Variants in GFM2 observed in about 807,000 individuals in gnomAD.
GFM2 encodes the protein ribosome-releasing factor 2, mitochondrial.
Under a neutral mutation model 95.4 loss-of-function variants are expected in GFM2, and 72 were observed. The observed-to-expected ratio is 0.76, with a 90% CI of 0.62 to 0.92. The LOEUF is 0.92. Ranked by LOEUF, GFM2 falls within the 40% of genes least tolerant of loss-of-function variation. The pLI, the probability that GFM2 is intolerant of heterozygous loss-of-function variation, is 0.00. For missense variants in GFM2, 825 were observed against 924.1 expected (o/e 0.89, Z 1.39); for synonymous variants, 276 against 317.5 (o/e 0.87, Z 1.39).
At chr5:74,765,167 T>C (rs546715012) in intron 1 of GFM2, 1 of 1,081,084 alleles carries the variant, frequency 9.2e-7, no homozygotes. Flanking sequence ...AATAGACATT[T>C]TCCTCTTCTT....
intron 1 of GFM2, among the ~76,000 whole-genome samples, chr5:74,766,418 T>C (rs1336410027): frequency 6.6e-6 from 1 of 152,240 alleles, no homozygotes; most frequent in Non-Finnish European, 1.5e-5. Flanking sequence ...TGAATCACGC[T>C]GCAAGCTGTG....
intron 5 of GFM2, among the ~76,000 whole-genome samples, chr5:74,756,521 T>C (rs1234573454): frequency 1.2e-4 from 18 of 152,190 alleles, no homozygotes; most frequent in Non-Finnish European, 7.3e-5. Context: ...CGTATAATTA[T>C]TTCTTTTCCT....
intron 12 of GFM2, among the ~76,000 whole-genome samples, chr5:74,739,108 A>C (rs1742986682): frequency 6.6e-6 from 1 of 152,162 alleles, no homozygotes; most frequent in Non-Finnish European, 1.5e-5. Flanking sequence ...TAAACTGGTA[A>C]TCACTGGTAA....
intron 19 of GFM2, among the ~76,000 whole-genome samples, chr5:74,723,889 G>C (rs1461241991): frequency 1.6e-4 from 25 of 151,914 alleles, no homozygotes; most frequent in Admixed American, 1.6e-3. Context: ...TAATACTTTG[G>C]CTATATTTAA....
intron 7 of GFM2, among the ~76,000 whole-genome samples, chr5:74,748,914 A>AAAAT (rs1561253774): frequency 0.13 from 14,836 of 111,182 alleles, 916 homozygotes; most frequent in Admixed American, 0.21. Flanking sequence ...TAAAATAAAA[A>AAAAT]AATAAAAAAA....
chr5:74,738,212 A>G (rs1427014239), intron 14 of GFM2, 106 bp downstream of exon 14: 1 of 787,846 alleles, frequency 1.3e-6, no homozygotes, highest in Non-Finnish European at 2.1e-6. Flanking sequence ...TTATTCTACT[A>G]TTGATGGACA....
At chr5:74,762,973 T>C (rs895714788) in intron 2 of GFM2, among the ~76,000 whole-genome samples, 12 of 152,340 alleles carry the variant, frequency 7.9e-5, no homozygotes, top group Non-Finnish European at 1.5e-4. Context: ...GAAACTATTG[T>C]ACTCCCTGTT....
In GFM2 at chr5:74,736,869, TAA is replaced by T. The variant is rs761621480; in HGVS notation, c.1435_1436del (p.Leu479IlefsTer22). The T allele has an allele frequency of 1.2e-6, 2 of 1,613,942 alleles. No individual in the cohort carries two copies. On this transcript the variant is annotated frameshift_variant, in exon 15 of 21. Transcript: ENST00000296805. LOFTEE classifies it high-confidence loss of function. ...GTTCTGGAATCTCCACTCCAGCCAA[TAA>T]AAGTCTCTCTGCTTCATTGTTTTGT... ...HRQNNEAERL[L>X]LAGVEIPEPV...
At chr5:74,756,354 A>C (rs940285028) in intron 5 of GFM2, among the ~76,000 whole-genome samples, 1 of 152,202 alleles carries the variant, frequency 6.6e-6, no homozygotes, top group African/African-American at 2.4e-5. Flanking sequence ...TTACTCCTGC[A>C]AGAATGGCCA....
intron 16 of GFM2, among the ~76,000 whole-genome samples, chr5:74,731,858 G>A (rs1159470995): frequency 2.6e-5 from 4 of 151,806 alleles, no homozygotes; most frequent in African/African-American, 7.3e-5. Flanking sequence ...GAATGAGATG[G>A]AGGAACAGAG....
At chr5:74,748,446 T>C (rs1363597643) in intron 7 of GFM2, among the ~76,000 whole-genome samples, 3 of 152,358 alleles carry the variant, frequency 2.0e-5, no homozygotes, top group Non-Finnish European at 2.9e-5. Flanking sequence ...TCTGTCACCA[T>C]AGCTTCAGTG....
chr5:74,756,376 T>C (rs1369827643), intron 5 of GFM2, among the ~76,000 whole-genome samples: 1 of 152,122 alleles, frequency 6.6e-6, no homozygotes, highest in Non-Finnish European at 1.5e-5. Flanking sequence ...AATCAAAAAA[T>C]AACAGATGTT....
intron 20 of GFM2, 141 bp downstream of exon 20, chr5:74,722,238 T>C: frequency 1.4e-6 from 1 of 712,220 alleles, no homozygotes; most frequent in South Asian, 1.9e-5. Flanking sequence ...TAACCATTCC[T>C]GCTGGTTGAA....
At chr5:74,764,245 CCT>C (rs1554043027) in intron 1 of GFM2, among the ~76,000 whole-genome samples, 10 of 152,208 alleles carry the variant, frequency 6.6e-5, no homozygotes. Flanking sequence ...AAGTCCTCTT[CCT>C]CTCTGATTAT....
intron 20 of GFM2, 49 bp from the exon 21 acceptor site, chr5:74,721,832 G>A (rs764388268): frequency 6.5e-7 from 1 of 1,538,714 alleles, no homozygotes; most frequent in South Asian, 1.2e-5. Flanking sequence ...TAAGCCTCAA[G>A]TTTCTCTTCC....
intron 10 of GFM2, among the ~76,000 whole-genome samples, chr5:74,743,921 AG>A (rs1743237892): frequency 6.6e-6 from 1 of 152,212 alleles, no homozygotes; most frequent in Non-Finnish European, 1.5e-5. Context: ...TTAATTAAAA[AG>A]TATATGTAAA....
intron 5 of GFM2, among the ~76,000 whole-genome samples, chr5:74,756,844 T>C (rs73114790): frequency 0.024 from 3,639 of 152,274 alleles, 144 homozygotes; most frequent in African/African-American, 0.084. Flanking sequence ...TCATTTGTTC[T>C]CACTCATAAG....
rs191001559 is a variant in GFM2 at position 74,755,604 on chromosome 5, C to T, written c.304+3245G>A. Among the ~76,000 whole-genome samples, 606 of 152,120 alleles carry T rather than the reference C, an allele frequency of 4.0e-3. 2 individuals carry two copies. Among genetic ancestry groups the T allele is most frequent in the African/African-American group, 0.014 (580 of 41,486 alleles). On this transcript the variant is annotated intron_variant, in intron 5 of 20. Transcript: ENST00000296805. ...CAAAGCTACTATGAACACCTTTACG[C>T]GCATAAACTAGAAAACCTAGAGGAG...
At position 74,745,840 on chromosome 5, in the gene GFM2, G is replaced by A; in HGVS notation, c.687C>T (p.Ala229=). 6.2e-7 allele frequency: 1 copy of A among 1,611,164 alleles called. No homozygotes were observed. Among genetic ancestry groups the A allele is most frequent in the Non-Finnish European group, 8.5e-7 (1 of 1,179,424 alleles). ...CATCCACCACTCCTTTGAAAGTTTT[G>A]GCTTCACCAATTGGTAACTGTAAGT... ...PLLLQLPIGE[A]KTFKGVVDVV... is the part of the protein sequence containing the mutation. The change falls in exon 10 of 21, where the codon GCC becomes GCT. Residue 229 remains alanine (A), a synonymous_variant. Coordinates refer to ENST00000296805, the MANE Select transcript of GFM2 (RefSeq NM_032380.5).
Sources: allele counts gnomAD v4.1 joint callset (sites outside exome capture counted in the v4.1 genomes callset), GRCh38; gene constraint gnomAD v4.1.1; transcripts MANE v1.5; gene names NCBI Gene and HGNC (gene_info 2026-07-23, HGNC 2026-07-21).